Variants in MAML2 observed in about 807,000 individuals in gnomAD.
The protein encoded by MAML2 is mastermind-like protein 2.
A neutral mutation model predicts 96.1 loss-of-function variants in MAML2; 22 were observed. The ratio of observed to expected loss-of-function variants is 0.23; its 90% CI spans 0.16 to 0.33. The LOEUF (loss-of-function observed/expected upper bound fraction) is 0.33, where lower values mean the gene tolerates loss of function less well. MAML2 is among the 10% of genes least tolerant of loss of function. MAML2 has a pLI of 1.00. For synonymous variants in MAML2, 561 were observed against 521.3 expected (o/e 1.08, Z -1.04); for missense variants, 1,367 against 1,392.4 (o/e 0.98, Z 0.29).
In MAML2 at chr11:96,226,398, A is replaced by G. The variant is rs143451835; in HGVS notation, c.513+114985T>C. On this transcript the variant is annotated intron_variant, in intron 1 of 4. Coordinates refer to ENST00000524717, the MANE Select transcript of MAML2 (RefSeq NM_032427.4). ...TGTCTGTCTATATAGTCTCTCACACATAAGAGCAATCATTGCCAATAATGC... is the reference window on the plus strand; with the variant it reads ...TGTCTGTCTATATAGTCTCTCACACGTAAGAGCAATCATTGCCAATAATGC... 3.7e-3 allele frequency among the ~76,000 whole-genome samples: 559 copies of G among 152,336 alleles called. 14 individuals are homozygous for G. Among genetic ancestry groups the G allele is most frequent in the Admixed American group, 0.024 (374 of 15,304 alleles).
In MAML2 at chr11:95,978,807, G is replaced by A; in HGVS notation, c.*141C>T. 1.3e-6 allele frequency: 1 copy of A among 751,206 alleles called. No individual in the cohort carries two copies. Among genetic ancestry groups the A allele is most frequent in the Non-Finnish European group, 2.1e-6 (1 of 480,072 alleles). The allele number at this position is 751,206 out of a possible 1,614,324, so 46.5% of individuals were successfully genotyped here. The stretch of plus-strand genomic sequence containing the variant: ...AATTTGGACCAAAATGTTCATCACT[G>A]CAGTTACTTTCTGCTTTCCATTTTT... On this transcript the variant is annotated 3_prime_UTR_variant, in exon 5 of 5. Coordinates refer to ENST00000524717, the MANE Select transcript of MAML2 (RefSeq NM_032427.4).
At chr11:96,253,503 G>A (rs944739255) in intron 1 of MAML2, among the ~76,000 whole-genome samples, 5 of 152,154 alleles carry the variant, frequency 3.3e-5, no homozygotes, top group Admixed American at 6.5e-5. Flanking sequence ...TCTTGTTTAC[G>A]AAGCAGCTAA....
At chr11:96,324,369 C>T (rs758112064) in intron 1 of MAML2, among the ~76,000 whole-genome samples, 16 of 152,224 alleles carry the variant, frequency 1.1e-4, no homozygotes, top group Middle Eastern at 3.4e-3. Context: ...ACATGATAAA[C>T]GCTTAATACA....
At chr11:96,116,751 T>C (rs754119356) in intron 1 of MAML2, among the ~76,000 whole-genome samples, 10 of 152,216 alleles carry the variant, frequency 6.6e-5, no homozygotes, top group Non-Finnish European at 1.5e-4. Flanking sequence ...TTCATATGTA[T>C]GGCGAAGAGA....
intron 2 of MAML2, among the ~76,000 whole-genome samples, chr11:96,010,128 T>G (rs1230669386): frequency 6.6e-6 from 1 of 152,166 alleles, no homozygotes; most frequent in Non-Finnish European, 1.5e-5. Context: ...CTATCTTAAT[T>G]ATATTACTCC....
intron 1 of MAML2, among the ~76,000 whole-genome samples, chr11:96,181,675 C>T (rs1377341538): frequency 6.6e-6 from 1 of 152,116 alleles, no homozygotes; most frequent in Non-Finnish European, 1.5e-5. Context: ...ATAGTCAACA[C>T]TCATCCATAG....
In MAML2 at chr11:96,093,348, A is replaced by C. The variant is rs775780970; in HGVS notation, c.683T>G (p.Ile228Ser). 1.2e-6 allele frequency: 2 copies of C among 1,613,954 alleles called. No homozygotes were observed. Among genetic ancestry groups the C allele is most frequent in the East Asian group, 4.5e-5 (2 of 44,882 alleles). ...GLQINNGQSQIMSGTLPMSQA... is the reference protein window; with the variant it reads ...GLQINNGQSQSMSGTLPMSQA... ...GCTCATAGGCAAGGTCCCTGACATA[A>C]TCTGACTTTGTCCATTGTTTATTTG... The change falls in exon 2 of 5, where the codon ATT becomes AGT. Residue 228 changes from isoleucine (I) to serine (S), a missense_variant. Ile to Ser is a moderately radical substitution (Grantham distance 142). Transcript: ENST00000524717.
chr11:96,004,854 G>A lies in MAML2; in HGVS notation c.2140-13131C>T, dbSNP rs12420320. Among the ~76,000 whole-genome samples the A allele has an allele frequency of 8.5e-3, 1,299 of 152,232 alleles. 53 individuals are homozygous for A. The highest frequency in any genetic ancestry group is 0.072 in the Admixed American group (1,094 of 15,286). On this transcript the variant is annotated intron_variant, in intron 2 of 4. Coordinates refer to ENST00000524717, the MANE Select transcript of MAML2 (RefSeq NM_032427.4). ...TGTTTGCTATGGTTTTAATAATGGC[G>A]TCTCCTCCAAAATTCCTGTTGAAAC...
chr11:96,100,388 C>A (rs767356790), intron 1 of MAML2, among the ~76,000 whole-genome samples: 14 of 152,016 alleles, frequency 9.2e-5, no homozygotes, highest in Non-Finnish European at 2.1e-4. Flanking sequence ...TGGCTCACTG[C>A]AACCTCCGCC....
chr11:96,332,616 T>G (rs551741623), intron 1 of MAML2, among the ~76,000 whole-genome samples: 3 of 152,318 alleles, frequency 2.0e-5, no homozygotes, highest in Admixed American at 6.5e-5. Flanking sequence ...TTAACACTTC[T>G]GCGAAACAAC....
chr11:96,292,736 A>T (rs545058926), intron 1 of MAML2, among the ~76,000 whole-genome samples: 1 of 152,174 alleles, frequency 6.6e-6, no homozygotes, highest in African/African-American at 2.4e-5. Flanking sequence ...CTAATCCTTT[A>T]TTCCTTTCAG....
At chr11:96,291,115 C>CTTTTTTT (rs58889757) in intron 1 of MAML2, among the ~76,000 whole-genome samples, 3 of 69,026 alleles carry the variant, frequency 4.3e-5, no homozygotes, top group Non-Finnish European at 7.8e-5. Context: ...TTTCACAAGC[C>CTTTTTTT]TTTTTTTTTT....
At chr11:96,021,327 T>C (rs947953955) in intron 2 of MAML2, among the ~76,000 whole-genome samples, 1 of 152,204 alleles carries the variant, frequency 6.6e-6, no homozygotes, top group Non-Finnish European at 1.5e-5. Flanking sequence ...GTTAAATGAA[T>C]GGAAAATCGA....
Position 95,979,640 on chromosome 11 carries a change from C to T in MAML2, c.2779G>A (p.Ala927Thr), listed in dbSNP as rs368966086. The T allele has an allele frequency of 2.5e-6, 4 of 1,613,834 alleles. No individual in the cohort carries two copies. The African/African-American group carries it at 5.3e-5, about 22-fold the overall frequency. The change falls in exon 5 of 5, where the codon GCT (alanine) becomes ACT (threonine). Residue 927 changes from alanine (A) to threonine (T), a missense_variant. Ala to Thr is a moderately conservative substitution (Grantham distance 58). Coordinates refer to ENST00000524717, the MANE Select transcript of MAML2 (RefSeq NM_032427.4). ...TGTTGTGAATTACCAACAGATCCAG[C>T]TCCAAAAGTGGCTACATTGTTATTA... The part of the protein sequence containing the change: ...SNNNNVATFG[A>T]GSVGNSQQLR...
At chr11:96,100,212 C>T (rs979741645) in intron 1 of MAML2, among the ~76,000 whole-genome samples, 2 of 152,096 alleles carry the variant, frequency 1.3e-5, no homozygotes, top group African/African-American at 4.8e-5. Flanking sequence ...TTCAGTAACT[C>T]GTACTTTCAC....
intron 1 of MAML2, among the ~76,000 whole-genome samples, chr11:96,194,897 T>G (rs1861707025): frequency 2.0e-5 from 3 of 152,194 alleles, no homozygotes; most frequent in African/African-American, 7.2e-5. Context: ...AGGTGAGGCT[T>G]TATATTTAGA....
chr11:96,103,050 A>T (rs770366659), intron 1 of MAML2, among the ~76,000 whole-genome samples: 35 of 152,180 alleles, frequency 2.3e-4, no homozygotes, highest in Non-Finnish European at 4.7e-4. Context: ...CCCAGTCTGG[A>T]AAGCTTTCTC....
intron 1 of MAML2, among the ~76,000 whole-genome samples, chr11:96,120,717 C>T (rs1458941793): frequency 1.3e-5 from 2 of 152,140 alleles, no homozygotes; most frequent in Non-Finnish European, 2.9e-5. Flanking sequence ...TCCTCATTCC[C>T]CTCCTCCCTC....
chr11:96,173,568 G>A (rs974555310), intron 1 of MAML2, among the ~76,000 whole-genome samples: 2 of 152,196 alleles, frequency 1.3e-5, no homozygotes, highest in African/African-American at 4.8e-5. Context: ...ACCTCTAGGA[G>A]GGTACAGGAA....
Sources: gnomAD v4.1 joint callset for allele counts (sites outside exome capture counted in the v4.1 genomes callset) on GRCh38, gnomAD v4.1.1 for gene constraint, MANE v1.5 for transcripts, NCBI Gene and HGNC (gene_info 2026-07-23, HGNC 2026-07-21) for gene names.